Variants in EDA observed in about 807,000 individuals in gnomAD.
EDA encodes the protein ectodysplasin A.
Under a neutral mutation model 23.6 loss-of-function variants are expected in EDA, and 2 were observed. That is an observed-to-expected ratio of 0.08 (90% CI 0.03 to 0.27). The LOEUF (loss-of-function observed/expected upper bound fraction) is 0.27, where lower values mean the gene tolerates loss of function less well. EDA is among the 10% of genes least tolerant of loss of function. The pLI is 1.00. For missense variants in EDA, 229 were observed against 324.2 expected (o/e 0.71, Z 2.26); for synonymous variants, 131 against 132.0 (o/e 0.99, Z 0.05).
intron 1 of EDA, among the ~76,000 whole-genome samples, chrX:69,632,609 C>T (rs907390191): frequency 8.9e-6 from 1 of 112,283 alleles, no homozygotes; most frequent in Non-Finnish European, 1.9e-5. Context: ...CCTCAGACCT[C>T]CTGCTCTAAG....
intron 2 of EDA, among the ~76,000 whole-genome samples, chrX:69,975,407 T>C (rs1425784149): frequency 2.7e-5 from 3 of 110,679 alleles, no homozygotes; most frequent in Non-Finnish European, 5.7e-5. Context: ...AAGTGGGAGC[T>C]AAACATCGGG....
intron 1 of EDA, among the ~76,000 whole-genome samples, chrX:69,862,783 T>G (rs1410805554): frequency 9.1e-6 from 1 of 110,133 alleles, no homozygotes. Context: ...GGCAACTGAG[T>G]GAAGTAGAGT....
At chrX:69,922,560 C>T (rs187050407) in intron 1 of EDA, among the ~76,000 whole-genome samples, 26 of 111,834 alleles carry the variant, frequency 2.3e-4, no homozygotes, top group Non-Finnish European at 4.1e-4. Context: ...ACAACCTTGC[C>T]CACCTTTGAG....
chrX:69,713,139 C>A (rs1027128434), intron 1 of EDA, among the ~76,000 whole-genome samples: 1 of 111,022 alleles, frequency 9.0e-6, no homozygotes, highest in African/African-American at 3.3e-5. Flanking sequence ...GTGCAACACA[C>A]CAACATGGCA....
At chrX:69,755,334 C>A (rs1370744806) in intron 1 of EDA, among the ~76,000 whole-genome samples, 1 of 111,593 alleles carries the variant, frequency 9.0e-6, no homozygotes, top group Non-Finnish European at 1.9e-5. Flanking sequence ...CCACTCCAGA[C>A]CCTGTTTTTG....
intron 1 of EDA, among the ~76,000 whole-genome samples, chrX:69,951,202 G>T (rs182776389): frequency 4.5e-4 from 50 of 110,979 alleles, no homozygotes; most frequent in African/African-American, 1.4e-3. Flanking sequence ...AATAAAAGTG[G>T]CTTTACGCAG....
At chrX:69,706,346 CT>C (rs2147320050) in intron 1 of EDA, among the ~76,000 whole-genome samples, 1 of 111,959 alleles carries the variant, frequency 8.9e-6, no homozygotes, top group Non-Finnish European at 1.9e-5. Context: ...CTCTAAACAA[CT>C]TTTTTATCCT....
At chrX:69,771,309 C>T (rs772641647) in intron 1 of EDA, among the ~76,000 whole-genome samples, 33 of 110,996 alleles carry the variant, frequency 3.0e-4, no homozygotes, top group Non-Finnish European at 1.1e-4. Flanking sequence ...CTGCCCACCT[C>T]GGCCTCCCAA....
At chrX:69,645,616 G>GTGTGTAAATATATATA (rs763666936) in intron 1 of EDA, among the ~76,000 whole-genome samples, 1 of 56,491 alleles carries the variant, frequency 1.8e-5, no homozygotes, top group Non-Finnish European at 2.9e-5. Flanking sequence ...ATATATATAT[G>GTGTGTAAATATATATA]TGTGTGTATA....
At chrX:69,786,729 A>T (rs1435426081) in intron 1 of EDA, among the ~76,000 whole-genome samples, 2 of 109,419 alleles carry the variant, frequency 1.8e-5, no homozygotes, top group East Asian at 5.6e-4. Context: ...TCAATTTTGG[A>T]ATAGGTGTGG....
chrX:69,852,749 C>A (rs2017163349), intron 1 of EDA, among the ~76,000 whole-genome samples: 1 of 110,890 alleles, frequency 9.0e-6, no homozygotes, highest in African/African-American at 3.3e-5. Flanking sequence ...CTGTCTCAGT[C>A]TTGGTGCTGA....
At chrX:69,882,183 T>C (rs1202987) in intron 1 of EDA, among the ~76,000 whole-genome samples, 62,609 of 110,589 alleles carry the variant, frequency 0.57, 14,980 homozygotes, top group Middle Eastern at 0.78. Context: ...AGGAGTTCTC[T>C]TAAGCCATAC....
rs778351358 is a variant in EDA, at chrX:69,647,165, G to A, written c.396+30461G>A. On this transcript the variant is annotated intron_variant, in intron 1 of 7. Coordinates refer to ENST00000374552, the MANE Select transcript of EDA (RefSeq NM_001399.5). ...CAACCTTGCAGAATCTGATGATTAT[G>A]TGTCTTGGGGTTGATCTTCTCATGG... Among the ~76,000 whole-genome samples, 18 of 111,127 alleles carry A rather than the reference G, an allele frequency of 1.6e-4. No individual in the cohort carries two copies. The East Asian group carries it at 5.1e-3, about 32-fold the overall frequency.
At chrX:69,624,002 C>G (rs755084630) in intron 1 of EDA, among the ~76,000 whole-genome samples, 77 of 110,927 alleles carry the variant, frequency 6.9e-4, no homozygotes, top group African/African-American at 2.4e-3. Context: ...AAAAAAAAGA[C>G]AAGTAAAACT....
At chrX:69,722,661 C>A (rs919348152) in intron 1 of EDA, among the ~76,000 whole-genome samples, 1 of 111,375 alleles carries the variant, frequency 9.0e-6, no homozygotes, top group Non-Finnish European at 1.9e-5. Context: ...AGGCTCATGA[C>A]ACTCTTGTAG....
chrX:69,862,371 A>G (rs1179547698), intron 1 of EDA, among the ~76,000 whole-genome samples: 2 of 112,317 alleles, frequency 1.8e-5, no homozygotes, highest in Non-Finnish European at 3.8e-5. Context: ...GAAGCAAGGC[A>G]TTAAGTCCAG....
intron 1 of EDA, among the ~76,000 whole-genome samples, chrX:69,830,613 A>G (rs2016585596): frequency 8.9e-6 from 1 of 112,439 alleles, no homozygotes; most frequent in Admixed American, 9.5e-5. Flanking sequence ...TCGTGTAATA[A>G]CATAAGTTAC....
intron 1 of EDA, among the ~76,000 whole-genome samples, chrX:69,654,572 A>T (rs1422780064): frequency 1.8e-5 from 2 of 112,083 alleles, no homozygotes; most frequent in Non-Finnish European, 3.8e-5. Flanking sequence ...GATAGACTGG[A>T]TTAAGGAAAT....
At chrX:69,831,990 C>G (rs959647284) in intron 1 of EDA, among the ~76,000 whole-genome samples, 1 of 111,333 alleles carries the variant, frequency 9.0e-6, no homozygotes, top group Non-Finnish European at 1.9e-5. Flanking sequence ...TGTAGGTTAC[C>G]TGTTCACTCT....
Sources: allele counts gnomAD v4.1 joint callset (sites outside exome capture counted in the v4.1 genomes callset), GRCh38; gene constraint gnomAD v4.1.1; transcripts MANE v1.5; gene names NCBI Gene and HGNC (gene_info 2026-07-23, HGNC 2026-07-21).